The following CAMTA1 variants were observed in gnomAD, a reference collection of about 807,000 sequenced individuals.
CAMTA1 encodes calmodulin-binding transcription activator 1.
Under a neutral mutation model 170.9 loss-of-function variants are expected in CAMTA1, and 27 were observed. The ratio of observed to expected loss-of-function variants is 0.16; its 90% confidence interval spans 0.12 to 0.22. CAMTA1 has a LOEUF of 0.22. Among genes scored for constraint, CAMTA1 ranks in the 10% least tolerant of loss-of-function variants. The pLI is 1.00. For synonymous variants in CAMTA1, 833 were observed against 891.5 expected, an observed-to-expected ratio of 0.93 and a Z score of 1.17; for missense variants, 1,619 against 2,217.2, an observed-to-expected ratio of 0.73 and a Z score of 5.42.
chr1:6,822,296 C>A (rs549908212), intron 2 of CAMTA1, among the ~76,000 whole-genome samples: 1 of 152,222 alleles, frequency 6.6e-6, no homozygotes, highest in African/African-American at 2.4e-5. Context: ...AATTTAAAAA[C>A]AGATTTTTAT....
At chr1:7,402,029 C>A (rs1406696519) in intron 5 of CAMTA1, among the ~76,000 whole-genome samples, 1 of 152,180 alleles carries the variant, frequency 6.6e-6, no homozygotes, top group Non-Finnish European at 1.5e-5. Context: ...AAGGATTAAA[C>A]CACTTGCTCT....
intron 1 of CAMTA1, among the ~76,000 whole-genome samples, chr1:6,818,743 A>G (rs1004771776): frequency 2.0e-5 from 3 of 152,112 alleles, no homozygotes; most frequent in South Asian, 4.2e-4. Flanking sequence ...GATTCCAGCA[A>G]TCCTCCTACC....
At chr1:7,207,377 T>C (rs1657928944) in intron 4 of CAMTA1, among the ~76,000 whole-genome samples, 1 of 152,218 alleles carries the variant, frequency 6.6e-6, no homozygotes, top group Non-Finnish European at 1.5e-5. Context: ...AGAAAATGAA[T>C]GTGGAAAGAA....
At chr1:7,379,810 C>T (rs1026959669) in intron 5 of CAMTA1, among the ~76,000 whole-genome samples, 1 of 152,234 alleles carries the variant, frequency 6.6e-6, no homozygotes, top group Non-Finnish European at 1.5e-5. Context: ...CCTCTTCCTC[C>T]TAAGGACAGC....
At chr1:7,553,885 C>T (rs1013179133) in intron 6 of CAMTA1, among the ~76,000 whole-genome samples, 1 of 152,184 alleles carries the variant, frequency 6.6e-6, no homozygotes, top group Non-Finnish European at 1.5e-5. Context: ...GTGATTGTCA[C>T]CCTGTGCTAA....
At chr1:7,024,028 C>CAAAAA (rs35095557) in intron 3 of CAMTA1, among the ~76,000 whole-genome samples, 7 of 96,094 alleles carry the variant, frequency 7.3e-5, no homozygotes, top group African/African-American at 1.6e-4. Context: ...GACTCTGTCT[C>CAAAAA]AAAAAAAAAA....
chr1:6,917,750 A>G (rs1396405560), intron 3 of CAMTA1, among the ~76,000 whole-genome samples: 1 of 145,886 alleles, frequency 6.9e-6, no homozygotes, highest in African/African-American at 2.5e-5. Context: ...ATTTGGGAGT[A>G]GAGAGGAAGA....
At chr1:7,491,265 T>C (rs1393394691) in intron 6 of CAMTA1, among the ~76,000 whole-genome samples, 1 of 152,150 alleles carries the variant, frequency 6.6e-6, no homozygotes, top group African/African-American at 2.4e-5. Flanking sequence ...CTCTTTCCTG[T>C]TCATAAGGTT....
At chr1:7,185,730 T>C (rs1217966071) in intron 4 of CAMTA1, among the ~76,000 whole-genome samples, 1 of 152,230 alleles carries the variant, frequency 6.6e-6, no homozygotes, top group East Asian at 1.9e-4. Context: ...GTTTCTGTGA[T>C]ATTCCTGCCC....
intron 4 of CAMTA1, among the ~76,000 whole-genome samples, chr1:7,098,758 G>A (rs901485673): frequency 6.6e-6 from 1 of 152,198 alleles, no homozygotes; most frequent in Non-Finnish European, 1.5e-5. Flanking sequence ...CTGATGGCCT[G>A]GTGGGGTATT....
intron 11 of CAMTA1, among the ~76,000 whole-genome samples, chr1:7,695,925 G>C (rs975182991): frequency 2.0e-5 from 3 of 152,150 alleles, no homozygotes; most frequent in African/African-American, 7.2e-5. Flanking sequence ...CTTCCTTTGT[G>C]ATTGCTCTGT....
At chr1:7,687,221 G>A (rs1576875174) in intron 11 of CAMTA1, among the ~76,000 whole-genome samples, 2 of 151,844 alleles carry the variant, frequency 1.3e-5, no homozygotes, top group South Asian at 4.2e-4. Context: ...ACACCAAGCA[G>A]AGGAGGAGCT....
rs1281749499 is a variant in CAMTA1, at chr1:7,455,933, C to A, written c.439-11897C>A. ...CACCTGGGGCTGTGTAGCCGAAGCT[C>A]CCAGCGCCAGAGGGTACAGCCTGAG... On this transcript the variant is annotated intron_variant, in intron 5 of 22. Transcript: ENST00000303635. This position sits in a 1 kb window ranked among gnomAD's most constrained non-coding sequence, Gnocchi z 5.0. 6.6e-6 allele frequency among the ~76,000 whole-genome samples: 1 copy of A among 152,176 alleles called. No homozygotes were observed. Among genetic ancestry groups the A allele is most frequent in the African/African-American group, 2.4e-5 (1 of 41,454 alleles).
rs1215552427 is a variant in CAMTA1, at chr1:7,745,880, A to G, written c.4406A>G (p.Asn1469Ser). The change falls in exon 18 of 23, where the codon AAT becomes AGT. Residue 1469 changes from asparagine (N) to serine (S), a missense_variant. Transcript: ENST00000303635. ...AACGAGCCTCTAACCCCTTCTTCTAATACCAGCTTGAGCCCTGTTGGCTCT... is the reference window on the plus strand; with the variant it reads ...AACGAGCCTCTAACCCCTTCTTCTAGTACCAGCTTGAGCCCTGTTGGCTCT... ...AYNEPLTPSSNTSLSPVGSPV... is the reference protein window; with the variant it reads ...AYNEPLTPSSSTSLSPVGSPV... 8 of 1,614,234 alleles carry G rather than the reference A, an allele frequency of 5.0e-6. No homozygotes were observed. The highest frequency in any genetic ancestry group is 6.8e-6 in the Non-Finnish European group (8 of 1,180,036).
rs142668372 is a variant in CAMTA1 at position 7,585,202 on chromosome 1, G to A, written c.511-55198G>A. The stretch of plus-strand genomic sequence containing the variant: ...TAGAGCTTTATGGATTTTGGAATTG[G>A]ATTGTGGGCCTGTAATATAATTTAA... On this transcript the variant is annotated intron_variant, in intron 6 of 22. Transcript: ENST00000303635. The surrounding 1 kb of genome is among the most constrained non-coding windows in gnomAD (Gnocchi z 4.8). Among the ~76,000 whole-genome samples the A allele has an allele frequency of 2.6e-4, 39 of 152,284 alleles. No individual in the cohort carries two copies. Among genetic ancestry groups the A allele is most frequent in the African/African-American group, 9.1e-4 (38 of 41,544 alleles).
At chr1:6,924,824 G>A (rs916294024) in intron 3 of CAMTA1, among the ~76,000 whole-genome samples, 4 of 152,214 alleles carry the variant, frequency 2.6e-5, no homozygotes, top group African/African-American at 4.8e-5. Context: ...GAATTGAAAT[G>A]CGTTGAGTAG....
Position 7,633,668 on chromosome 1 carries a change from G to A in CAMTA1, c.511-6732G>A, listed in dbSNP as rs1013852931. ...GGCCCGTGTGCTGGAGCAGCTTGGC[G>A]GCACCCCGCTATGCCCCCGGTTTTC... On this transcript the variant is annotated intron_variant, in intron 6 of 22. Transcript: ENST00000303635. This position sits in a 1 kb window ranked among gnomAD's most constrained non-coding sequence, Gnocchi z 4.1. 8.5e-5 allele frequency among the ~76,000 whole-genome samples: 13 copies of A among 152,230 alleles called. No individual in the cohort carries two copies. The highest frequency in any genetic ancestry group is 1.9e-4 in the Non-Finnish European group (13 of 68,032).
chr1:7,353,136 T>C (rs1292877551), intron 5 of CAMTA1, among the ~76,000 whole-genome samples: 1 of 152,150 alleles, frequency 6.6e-6, no homozygotes, highest in East Asian at 1.9e-4. Flanking sequence ...ACCTACCCTC[T>C]CGAAGGCACA....
At chr1:7,019,371 G>A (rs1275822904) in intron 3 of CAMTA1, among the ~76,000 whole-genome samples, 4 of 152,220 alleles carry the variant, frequency 2.6e-5, no homozygotes, top group African/African-American at 9.6e-5. Flanking sequence ...CCAAAAGAGT[G>A]AGAGATTGGG....
Sources: allele counts gnomAD v4.1 joint callset (sites outside exome capture counted in the v4.1 genomes callset), GRCh38; gene constraint gnomAD v4.1.1; non-coding constraint Gnocchi (gnomAD v3.1); transcripts MANE v1.5; gene names NCBI Gene and HGNC (gene_info 2026-07-23, HGNC 2026-07-21).